Variants in NREP observed in about 807,000 individuals in gnomAD.
NREP encodes neuronal regeneration related protein, also known as neuronal regeneration-related protein.
Under a neutral mutation model 8.6 loss-of-function variants are expected in NREP, and 5 were observed. That is an observed-to-expected ratio of 0.58 (90% CI 0.30 to 1.22). The LOEUF is 1.22. Ranked by LOEUF, NREP falls within the 50% of genes most tolerant of loss-of-function variation. The pLI is 0.07. For missense variants in NREP, 86 were observed against 82.5 expected, an observed-to-expected ratio of 1.04 and a Z score of -0.17; for synonymous variants, 27 against 28.0, an observed-to-expected ratio of 0.96 and a Z score of 0.11.
At chr5:111,794,763 T>A (rs778475207) in intron 2 of NREP, among the ~76,000 whole-genome samples, 1 of 152,136 alleles carries the variant, frequency 6.6e-6, no homozygotes, top group Non-Finnish European at 1.5e-5. Context: ...ATATATGCCA[T>A]TACACATTTG....
At chr5:111,928,183 G>A (rs368087657) in intron 2 of NREP, among the ~76,000 whole-genome samples, 1 of 150,998 alleles carries the variant, frequency 6.6e-6, no homozygotes, top group East Asian at 1.9e-4. Context: ...TCCCCTAAAA[G>A]AATTTTGCAA....
chr5:111,780,789 C>T (rs766283849), intron 2 of NREP, among the ~76,000 whole-genome samples: 1 of 152,120 alleles, frequency 6.6e-6, no homozygotes, highest in Non-Finnish European at 1.5e-5. Context: ...TTCTACATTG[C>T]AAAGAAGGCC....
At chr5:111,887,693 C>T (rs1181225565) in intron 2 of NREP, among the ~76,000 whole-genome samples, 2 of 152,210 alleles carry the variant, frequency 1.3e-5, no homozygotes, top group Non-Finnish European at 2.9e-5. Flanking sequence ...AGACTGTTCA[C>T]ATCCAAATGA....
At chr5:111,870,651 C>T (rs1414254623) in intron 2 of NREP, among the ~76,000 whole-genome samples, 1 of 151,994 alleles carries the variant, frequency 6.6e-6, no homozygotes, top group African/African-American at 2.4e-5. Context: ...CTTATTTGGA[C>T]CTTATTTGGA....
At chr5:111,755,399 G>C (rs1003976398) in intron 2 of NREP, 5 of 237,742 alleles carry the variant, frequency 2.1e-5, no homozygotes, top group African/African-American at 6.6e-5. Context: ...GGTAACTTCG[G>C]CCTAGCTCTA....
At chr5:111,815,395 A>C (rs1328966331) in intron 2 of NREP, among the ~76,000 whole-genome samples, 1 of 152,152 alleles carries the variant, frequency 6.6e-6, no homozygotes, top group Non-Finnish European at 1.5e-5. Context: ...TTCTCTGATG[A>C]GGTATAAAAC....
chr5:111,849,519 T>G (rs1023376053), intron 2 of NREP, among the ~76,000 whole-genome samples: 1 of 152,130 alleles, frequency 6.6e-6, no homozygotes, highest in African/African-American at 2.4e-5. Context: ...TTTAGAAACT[T>G]ACTTCTAATT....
intron 2 of NREP, among the ~76,000 whole-genome samples, chr5:111,954,474 T>C (rs1446651208): frequency 6.6e-6 from 1 of 152,164 alleles, no homozygotes; most frequent in African/African-American, 2.4e-5. Context: ...GCTCCAAAAA[T>C]TGTTAAAGAG....
At chr5:111,965,907 G>T (rs956877390) in intron 2 of NREP, among the ~76,000 whole-genome samples, 3 of 152,198 alleles carry the variant, frequency 2.0e-5, no homozygotes, top group South Asian at 2.1e-4. Context: ...AAAAATCAAA[G>T]TTCAGTAAAT....
intron 2 of NREP, among the ~76,000 whole-genome samples, chr5:111,961,434 G>A (rs1756477804): frequency 6.6e-6 from 1 of 152,140 alleles, no homozygotes; most frequent in Non-Finnish European, 1.5e-5. Flanking sequence ...TCCTTAATTT[G>A]ACAATAAAAT....
In NREP at chr5:111,883,286, A is replaced by G. The variant is rs190525631; in HGVS notation, c.135+91988T>C. 7.5e-3 allele frequency among the ~76,000 whole-genome samples: 1,138 copies of G among 152,344 alleles called. 6 individuals are homozygous for G. Among genetic ancestry groups the G allele is most frequent in the Middle Eastern group, 0.048 (14 of 294 alleles). ...GAGAAGAGCTAACTATCCTAAATAT[A>G]TGTGCACCCAATACAGGAGCACCCA... On this transcript the variant is annotated intron_variant, in intron 2 of 3. Transcript: ENST00000395634.
At chr5:111,956,167 C>G (rs1439625578) in intron 2 of NREP, among the ~76,000 whole-genome samples, 1 of 152,006 alleles carries the variant, frequency 6.6e-6, no homozygotes, top group Non-Finnish European at 1.5e-5. Flanking sequence ...CTCTACAACC[C>G]AGGACAGACA....
rs1036108449 is a variant in NREP, at chr5:111,818,661, A to G, written c.136-83154T>C. On this transcript the variant is annotated intron_variant, in intron 2 of 3. Coordinates refer to the NREP transcript ENST00000395634. ...CTCTGAAGTATTTGAAACAACACCA[A>G]CTGAAGAACTGTGGCCTTCTAGAAA... 3.9e-5 allele frequency among the ~76,000 whole-genome samples: 6 copies of G among 152,222 alleles called. No individual in the cohort carries two copies. In the South Asian group the frequency reaches 6.2e-4, roughly 16 times the overall value.
chr5:111,877,778 G>C (rs571640043), intron 2 of NREP, among the ~76,000 whole-genome samples: 13 of 152,070 alleles, frequency 8.5e-5, no homozygotes, highest in Non-Finnish European at 1.9e-4. Flanking sequence ...TTTTACAGTT[G>C]AAGACTCTAA....
intron 2 of NREP, 156 bp downstream of exon 2, chr5:111,755,614 C>A (rs780644402): frequency 6.3e-6 from 5 of 788,624 alleles, no homozygotes; most frequent in Non-Finnish European, 1.1e-5. Context: ...AATTGCTGTA[C>A]TGCAACGCTC....
At chr5:111,857,551 C>T (rs761441771) in intron 2 of NREP, among the ~76,000 whole-genome samples, 3 of 152,122 alleles carry the variant, frequency 2.0e-5, no homozygotes, top group African/African-American at 7.2e-5. Context: ...TAGTCTCACC[C>T]TACTGTCAGC....
intron 2 of NREP, among the ~76,000 whole-genome samples, chr5:111,764,946 C>T (rs1751045951): frequency 6.6e-6 from 1 of 152,100 alleles, no homozygotes; most frequent in Non-Finnish European, 1.5e-5. Flanking sequence ...CTATGAGAAC[C>T]TGATTTTATT....
intron 2 of NREP, among the ~76,000 whole-genome samples, chr5:111,889,102 A>G (rs1246672172): frequency 2.0e-5 from 3 of 152,242 alleles, no homozygotes; most frequent in Non-Finnish European, 4.4e-5. Flanking sequence ...CTATAAAGAA[A>G]TACCAGAGAC....
At chr5:111,877,379 T>G (rs1055304692) in intron 2 of NREP, among the ~76,000 whole-genome samples, 1 of 152,186 alleles carries the variant, frequency 6.6e-6, no homozygotes, top group Non-Finnish European at 1.5e-5. Flanking sequence ...TCACATAATT[T>G]TCCACCCTCT....
Sources: allele counts gnomAD v4.1 joint callset (sites outside exome capture counted in the v4.1 genomes callset), GRCh38; gene constraint gnomAD v4.1.1; transcripts MANE v1.5; gene names NCBI Gene and HGNC (gene_info 2026-07-23, HGNC 2026-07-21).